The following TVP23B variants were observed in gnomAD, a reference collection of about 807,000 sequenced individuals.
TVP23B encodes the protein trans-golgi network vesicle protein 23 homolog B, also known as Golgi apparatus membrane protein TVP23 homolog B.
A neutral mutation model predicts 30.6 loss-of-function variants in TVP23B; 10 were observed. That is an observed-to-expected ratio of 0.33 (90% CI 0.20 to 0.55). The LOEUF is 0.55. Among genes scored for constraint, TVP23B ranks in the 20% least tolerant of loss-of-function variants. The probability of loss-of-function intolerance (pLI) is 0.91; values close to 1 mark genes in which losing one functional copy is unlikely to be tolerated. For synonymous variants in TVP23B, 67 were observed against 83.1 expected, an observed-to-expected ratio of 0.81 and a Z score of 1.06; for missense variants, 153 against 243.2, an observed-to-expected ratio of 0.63 and a Z score of 2.47.
chr17:18,783,432 A>G (rs2035843128), intron 1 of TVP23B, among the ~76,000 whole-genome samples: 1 of 152,154 alleles, frequency 6.6e-6, no homozygotes, highest in Non-Finnish European at 1.5e-5. Context: ...TAAATTTGTG[A>G]CGTGAACCTC....
intron 3 of TVP23B, chr17:18,797,147 G>A (rs2036088876): frequency 5.3e-6 from 1 of 188,342 alleles, no homozygotes; most frequent in South Asian, 9.5e-5. Context: ...TTAGTAAGTA[G>A]GAAAAGAGCT....
intron 1 of TVP23B, among the ~76,000 whole-genome samples, chr17:18,786,233 A>G (rs1306702736): frequency 6.6e-6 from 1 of 151,838 alleles, no homozygotes; most frequent in Non-Finnish European, 1.5e-5. Flanking sequence ...ACTTAATCTC[A>G]TCTGTGAAAT....
At chr17:18,783,104 GATTC>G (rs2035835074) in intron 1 of TVP23B, among the ~76,000 whole-genome samples, 1 of 65,616 alleles carries the variant, frequency 1.5e-5, no homozygotes, top group African/African-American at 5.0e-5. Context: ...TTGATTGATT[GATTC>G]ATTCATTCAT....
chr17:18,781,418 C>G, intron 1 of TVP23B, 113 bp downstream of exon 1: 1 of 1,507,052 alleles, frequency 6.6e-7, no homozygotes, highest in Non-Finnish European at 8.9e-7. Context: ...CGAGGAGGAG[C>G]GGGGCGGCCG....
intron 3 of TVP23B, chr17:18,796,266 C>A (rs1046505522): frequency 2.0e-5 from 3 of 152,060 alleles, no homozygotes; most frequent in Non-Finnish European, 4.4e-5. Flanking sequence ...ATTTTGAGGC[C>A]GTGCGTGGTG....
At chr17:18,805,286 G>A (rs1196685998) in intron 6 of TVP23B, among the ~76,000 whole-genome samples, 6 of 151,568 alleles carry the variant, frequency 4.0e-5, no homozygotes, top group East Asian at 2.0e-4. Flanking sequence ...GGGTTTCACC[G>A]TGTTAGCCAG....
intron 6 of TVP23B, 108 bp from the exon 7 acceptor site, chr17:18,805,433 C>G (rs2036234428): frequency 6.5e-7 from 1 of 1,537,170 alleles, no homozygotes. Context: ...TAAGGTAATG[C>G]TCTGCTTAGA....
chr17:18,798,696 G>C (rs2036112477), intron 4 of TVP23B, 116 bp from the exon 5 acceptor site: 1 of 1,388,218 alleles, frequency 7.2e-7, no homozygotes, highest in Admixed American at 2.5e-5. Context: ...TAACTTAGGA[G>C]TTGGGCTGTG....
At chr17:18,802,491 C>T (rs1214389653) in intron 5 of TVP23B, among the ~76,000 whole-genome samples, 1 of 150,228 alleles carries the variant, frequency 6.7e-6, no homozygotes, top group South Asian at 2.1e-4. Flanking sequence ...GCATTTTTTT[C>T]TCGGGTCTTT....
intron 1 of TVP23B, among the ~76,000 whole-genome samples, chr17:18,782,891 C>T (rs1378816480): frequency 6.6e-6 from 1 of 150,812 alleles, no homozygotes; most frequent in Non-Finnish European, 1.5e-5. Context: ...TATTTTGTGC[C>T]GACCTCACAT....
intron 6 of TVP23B, chr17:18,804,693 A>G: frequency 2.1e-6 from 1 of 475,184 alleles, no homozygotes; most frequent in African/African-American, 2.2e-5. Flanking sequence ...GGTTCATGTG[A>G]TTCTCCTGCC....
chr17:18,788,500 G>A (rs528655802), intron 1 of TVP23B, among the ~76,000 whole-genome samples: 58 of 152,276 alleles, frequency 3.8e-4, no homozygotes, highest in South Asian at 1.5e-3. Flanking sequence ...ATTCAATAGA[G>A]GCCGGGCGTG....
chr17:18,787,708 G>A (rs550198435), intron 1 of TVP23B, among the ~76,000 whole-genome samples: 3 of 152,324 alleles, frequency 2.0e-5, no homozygotes, highest in African/African-American at 7.2e-5. Context: ...TAGAGACCAT[G>A]TAGTAACAGT....
chr17:18,783,122 T>C (rs1246230533), intron 1 of TVP23B, among the ~76,000 whole-genome samples: 1 of 145,994 alleles, frequency 6.8e-6, no homozygotes, highest in Non-Finnish European at 1.5e-5. Flanking sequence ...CATTCATTTA[T>C]GAGACGGAGT....
Position 18,806,131 on chromosome 17 carries a change from T to G in TVP23B, c.*564T>G. 3.2e-6 allele frequency: 3 copies of G among 938,228 alleles called. No homozygotes were observed. The highest frequency in any genetic ancestry group is 3.8e-6 in the Non-Finnish European group (3 of 786,884). 58.1% of individuals were successfully genotyped at this position (938,228 alleles called of 1,614,324 possible). ...AAGTGAAAACAATTAGGGCCAGTGGTATTAACTACTTTATAAAATTTTATT... is the reference window on the plus strand; with the variant it reads ...AAGTGAAAACAATTAGGGCCAGTGGGATTAACTACTTTATAAAATTTTATT... On this transcript the variant is annotated 3_prime_UTR_variant, in exon 7 of 7. Transcript: ENST00000307767.
chr17:18,804,112 A>G (rs756302966), intron 5 of TVP23B, 26 bp from the exon 6 acceptor site: 6 of 1,612,532 alleles, frequency 3.7e-6, no homozygotes, highest in Middle Eastern at 1.6e-4. Context: ...GCCAGTAACC[A>G]TTGATTATTT....
chr17:18,804,956 T>C (rs575048896), intron 6 of TVP23B, among the ~76,000 whole-genome samples: 154 of 152,130 alleles, frequency 1.0e-3, no homozygotes, highest in African/African-American at 3.6e-3. Flanking sequence ...ACTCAGATGT[T>C]TTTTTCCCCC....
At chr17:18,785,622 G>T (rs1406985212) in intron 1 of TVP23B, among the ~76,000 whole-genome samples, 1 of 152,002 alleles carries the variant, frequency 6.6e-6, no homozygotes, top group Admixed American at 6.6e-5. Context: ...GCCTCTAATC[G>T]TAGCACTTTG....
At chr17:18,789,917 T>G (rs1192559409) in intron 2 of TVP23B, among the ~76,000 whole-genome samples, 1 of 152,150 alleles carries the variant, frequency 6.6e-6, no homozygotes, top group Non-Finnish European at 1.5e-5. Flanking sequence ...ATGATTTCAT[T>G]TATATGAAAT....
Sources: allele counts gnomAD v4.1 joint callset (sites outside exome capture counted in the v4.1 genomes callset), GRCh38; gene constraint gnomAD v4.1.1; transcripts MANE v1.5; gene names NCBI Gene and HGNC (gene_info 2026-07-23, HGNC 2026-07-21).